XKR4: variants seen among roughly 807,000 people sequenced by gnomAD.
The protein encoded by XKR4 is XK related 4, also known as XK-related protein 4.
XKR4 carries 12 observed loss-of-function variants against 53.9 expected under a neutral mutation model. The ratio of observed to expected loss-of-function variants is 0.22; its 90% CI spans 0.14 to 0.36. XKR4 has a LOEUF of 0.36. Among genes scored for constraint, XKR4 ranks in the 10% least tolerant of loss-of-function variants. The pLI is 1.00. For synonymous variants in XKR4, 354 were observed against 362.4 expected (o/e 0.98, Z 0.26); for missense variants, 799 against 859.5 (o/e 0.93, Z 0.88).
chr8:55,325,659 C>T (rs1472053891), intron 1 of XKR4, among the ~76,000 whole-genome samples: 1 of 151,952 alleles, frequency 6.6e-6, no homozygotes, highest in Non-Finnish European at 1.5e-5. Context: ...TTTTTTCTTT[C>T]CTAAATAATT....
chr8:55,339,322 G>T (rs1053044610), intron 1 of XKR4, among the ~76,000 whole-genome samples: 2 of 152,146 alleles, frequency 1.3e-5, no homozygotes, highest in Non-Finnish European at 2.9e-5. Flanking sequence ...CTCCTCATGG[G>T]TCAAAAAGAG....
intron 1 of XKR4, among the ~76,000 whole-genome samples, chr8:55,175,125 C>G (rs2129359010): frequency 6.6e-6 from 1 of 152,304 alleles, no homozygotes; most frequent in African/African-American, 2.4e-5. Flanking sequence ...CACCCAAAGA[C>G]AGCATTTTGA....
At chr8:55,144,840 A>ATTTTATTTTATTTTATTTTATTTTTTT (rs1386036885) in intron 1 of XKR4, among the ~76,000 whole-genome samples, 1 of 60,796 alleles carries the variant, frequency 1.6e-5, no homozygotes, top group East Asian at 6.3e-4. Context: ...TTATTTTATT[A>ATTTTATTTTATTTTATTTTATTTTTTT]TTATTTTTTG....
At chr8:55,178,103 T>C (rs1817257208) in intron 1 of XKR4, among the ~76,000 whole-genome samples, 1 of 152,250 alleles carries the variant, frequency 6.6e-6, no homozygotes. Context: ...CCAAGGTCGC[T>C]CACATTCTTG....
At chr8:55,471,277 T>A (rs1296815852) in intron 2 of XKR4, among the ~76,000 whole-genome samples, 1 of 151,852 alleles carries the variant, frequency 6.6e-6, no homozygotes, top group Non-Finnish European at 1.5e-5. Context: ...GTGAGGAAAG[T>A]AAAGAGACTA....
intron 2 of XKR4, among the ~76,000 whole-genome samples, chr8:55,459,541 T>C (rs1231147897): frequency 6.6e-6 from 1 of 152,098 alleles, no homozygotes; most frequent in Admixed American, 6.5e-5. Context: ...ATAAAGGACT[T>C]GTGTCCAGAA....
chr8:55,310,390 T>C (rs917010090), intron 1 of XKR4, among the ~76,000 whole-genome samples: 11 of 152,222 alleles, frequency 7.2e-5, no homozygotes, highest in African/African-American at 2.4e-4. Context: ...TCCTATTTTA[T>C]AGAACATTGT....
rs1221597017 is a variant in XKR4, at chr8:55,289,646, A to AAAGAAAGAAAGAAAGG, written c.807-68029_807-68028insAAAGAAAGAAAGGAAG. Among the ~76,000 whole-genome samples, 96 of 86,974 alleles carry AAAGAAAGAAAGAAAGG rather than the reference A, an allele frequency of 1.1e-3. 5 individuals carry two copies. The highest frequency in any genetic ancestry group is 5.8e-3 in the Middle Eastern group (1 of 172). 57.1% of individuals were successfully genotyped at this position (86,974 alleles called of 152,430 possible). The stretch of plus-strand genomic sequence containing the variant: ...GAAAGAAAGAAAGAAAGAAAGAAAG[A>AAAGAAAGAAAGAAAGG]AAGGAAGGAAGGAAAAGAAAAGAAA... On this transcript the variant is annotated intron_variant, in intron 1 of 2. Coordinates refer to ENST00000327381, the MANE Select transcript of XKR4 (RefSeq NM_052898.2).
At chr8:55,138,514 A>G (rs1031482689) in intron 1 of XKR4, among the ~76,000 whole-genome samples, 1 of 152,246 alleles carries the variant, frequency 6.6e-6, no homozygotes. Flanking sequence ...CTAGAAATAT[A>G]TTAATATAAC....
At chr8:55,388,886 T>C (rs1281327727) in intron 2 of XKR4, among the ~76,000 whole-genome samples, 5 of 152,344 alleles carry the variant, frequency 3.3e-5, no homozygotes, top group Admixed American at 2.0e-4. Context: ...ACTTCTGTTA[T>C]GGGTTGAATT....
At chr8:55,196,401 T>G (rs1817508698) in intron 1 of XKR4, among the ~76,000 whole-genome samples, 1 of 152,194 alleles carries the variant, frequency 6.6e-6, no homozygotes. Context: ...CAGGCTGGTC[T>G]TGAACTCCTG....
At chr8:55,500,514 T>G (rs1806421695) in intron 2 of XKR4, among the ~76,000 whole-genome samples, 1 of 152,186 alleles carries the variant, frequency 6.6e-6, no homozygotes, top group South Asian at 2.1e-4. Flanking sequence ...ACAACAGTCC[T>G]TCTCATCTAG....
In XKR4 at chr8:55,533,181, A is replaced by G. The variant is rs942332124; in HGVS notation, c.*8954A>G. The stretch of plus-strand genomic sequence containing the variant: ...AACGCATCTTAACACCAGCATTGCC[A>G]TTGTGAGTCTAGAAAATGAGCACTT... On this transcript the variant is annotated 3_prime_UTR_variant, in exon 3 of 3. Transcript: ENST00000327381. 6.6e-6 allele frequency: 1 copy of G among 152,208 alleles called. No homozygotes were observed. The highest frequency in any genetic ancestry group is 1.5e-5 in the Non-Finnish European group (1 of 68,040). 9.4% of individuals were successfully genotyped at this position (152,208 alleles called of 1,614,324 possible).
chr8:55,233,774 T>C lies in XKR4; in HGVS notation c.807-123904T>C, dbSNP rs552383624. Among the ~76,000 whole-genome samples, 3 of 152,368 alleles carry C rather than the reference T, an allele frequency of 2.0e-5. No homozygotes were observed. The East Asian group carries it at 5.8e-4, about 29-fold the overall frequency. On this transcript the variant is annotated intron_variant, in intron 1 of 2. Coordinates refer to ENST00000327381, the MANE Select transcript of XKR4 (RefSeq NM_052898.2). ...TTAGCCTTTCATTTCCTTAAACCCA[T>C]TGAAACACCCTCCTTTAATATTGGA...
At chr8:55,191,343 T>C (rs1338567862) in intron 1 of XKR4, among the ~76,000 whole-genome samples, 1 of 152,206 alleles carries the variant, frequency 6.6e-6, no homozygotes, top group Non-Finnish European at 1.5e-5. Context: ...ATGGTAATAA[T>C]ATGTGTTCAA....
At chr8:55,190,745 C>T (rs1462354445) in intron 1 of XKR4, among the ~76,000 whole-genome samples, 1 of 152,172 alleles carries the variant, frequency 6.6e-6, no homozygotes, top group African/African-American at 2.4e-5. Context: ...ATGTTGCGTT[C>T]TGGACCAGCA....
chr8:55,112,175 C>T (rs1816241158), intron 1 of XKR4, among the ~76,000 whole-genome samples: 1 of 152,188 alleles, frequency 6.6e-6, no homozygotes, highest in African/African-American at 2.4e-5. Context: ...AAACTATTTT[C>T]TCATCTTTAT....
intron 1 of XKR4, among the ~76,000 whole-genome samples, chr8:55,256,149 T>C (rs911365621): frequency 1.2e-4 from 18 of 151,960 alleles, no homozygotes; most frequent in Admixed American, 1.2e-3. Context: ...AAAGGATACT[T>C]CACAAAATTA....
chr8:55,480,979 T>C (rs1323222902), intron 2 of XKR4, among the ~76,000 whole-genome samples: 1 of 152,128 alleles, frequency 6.6e-6, no homozygotes, highest in Non-Finnish European at 1.5e-5. Context: ...CTGCACAAGG[T>C]AATTTATAGA....
Sources: allele counts gnomAD v4.1 joint callset (sites outside exome capture counted in the v4.1 genomes callset), GRCh38; gene constraint gnomAD v4.1.1; transcripts MANE v1.5; gene names NCBI Gene and HGNC (gene_info 2026-07-23, HGNC 2026-07-21).